Variants in ZNF536 observed in about 807,000 individuals in gnomAD.
The protein encoded by ZNF536 is zinc finger protein 536.
ZNF536 carries 13 observed loss-of-function variants against 84.5 expected under a neutral mutation model. The ratio of observed to expected loss-of-function variants is 0.15; its 90% CI spans 0.10 to 0.24. ZNF536 has a LOEUF of 0.24. Among genes scored for constraint, ZNF536 ranks in the 10% least tolerant of loss-of-function variants. The pLI, the probability that ZNF536 is intolerant of heterozygous loss-of-function variation, is 1.00. For missense variants in ZNF536, 1,536 were observed against 1,747.5 expected, an observed-to-expected ratio of 0.88 and a Z score of 2.16; for synonymous variants, 811 against 742.5, an observed-to-expected ratio of 1.09 and a Z score of -1.50.
At chr19:30,245,808 C>G (rs1431571677) in intron 1 of ZNF536, among the ~76,000 whole-genome samples, 1 of 152,220 alleles carries the variant, frequency 6.6e-6, no homozygotes, top group Non-Finnish European at 1.5e-5. Context: ...GGGGCCTTTT[C>G]TCTGAAGGTA....
Position 30,640,312 on chromosome 19 carries a change from T to G in ZNF536, c.170-70445T>G, listed in dbSNP as rs1441790516. Among the ~76,000 whole-genome samples, 4 of 151,990 alleles carry G rather than the reference T, an allele frequency of 2.6e-5. No homozygotes were observed. In the East Asian group the frequency reaches 7.7e-4, roughly 29 times the overall value. On this transcript the variant is annotated intron_variant, in intron 1 of 1. Coordinates refer to the ZNF536 transcript ENST00000592773. Reference sequence around the variant, plus strand: ...CGCACCACTGTTTTTTTCATGCAGCTTTTCTAGTTGTGCTCAATAAGACAG... The same window carrying G: ...CGCACCACTGTTTTTTTCATGCAGCGTTTCTAGTTGTGCTCAATAAGACAG...
intron 2 of ZNF536, among the ~76,000 whole-genome samples, chr19:30,497,406 C>G (rs2054767581): frequency 1.3e-5 from 2 of 152,072 alleles, no homozygotes; most frequent in African/African-American, 4.8e-5. Flanking sequence ...AAAGGGGTAG[C>G]TTCTGACACA....
intron 2 of ZNF536, among the ~76,000 whole-genome samples, chr19:30,303,158 G>A (rs144564858): frequency 1.4e-3 from 214 of 152,278 alleles, no homozygotes; most frequent in Middle Eastern, 0.01. Flanking sequence ...TCTGAGGCTC[G>A]GCTGGTGTCC....
intron 1 of ZNF536, among the ~76,000 whole-genome samples, chr19:30,433,622 C>T (rs112358291): frequency 0.028 from 4,320 of 152,216 alleles, 218 homozygotes; most frequent in African/African-American, 0.099. Flanking sequence ...TTCAGCCTCC[C>T]GAGTAGCTGG....
At chr19:30,326,562 G>C (rs560635985) in intron 2 of ZNF536, among the ~76,000 whole-genome samples, 1 of 152,230 alleles carries the variant, frequency 6.6e-6, no homozygotes, top group East Asian at 1.9e-4. Flanking sequence ...GAGAGGGCCA[G>C]GGGATGGTGA....
At chr19:30,435,563 T>C (rs957680447) in intron 1 of ZNF536, among the ~76,000 whole-genome samples, 1 of 151,910 alleles carries the variant, frequency 6.6e-6, no homozygotes, top group Admixed American at 6.6e-5. Flanking sequence ...ATGGTGGTAA[T>C]GATGGTGATG....
At chr19:30,587,397 T>C (rs1383817173) in intron 1 of ZNF536, among the ~76,000 whole-genome samples, 1 of 152,180 alleles carries the variant, frequency 6.6e-6, no homozygotes. Context: ...TAAATCAAGA[T>C]CAGTTGGTAT....
rs373382678 is a variant in ZNF536, at chr19:30,444,537, G to A, written c.975G>A (p.Thr325=). 1 of 1,613,070 alleles carries A rather than the reference G, an allele frequency of 6.2e-7. No individual in the cohort carries two copies. The highest frequency in any genetic ancestry group is 1.1e-5 in the South Asian group (1 of 91,042). ...LISHVEKAHI[T]AESAQGQGPN... The stretch of plus-strand genomic sequence containing the variant: ...GCCACGTGGAGAAGGCACACATCAC[G>A]GCCGAGTCGGCCCAGGGCCAGGGCC... Residue 325 remains threonine (T), a synonymous_variant, in exon 2 of 5, where the codon ACG becomes ACA. Transcript: ENST00000355537.
At chr19:30,494,650 C>T (rs771365979) in intron 2 of ZNF536, among the ~76,000 whole-genome samples, 18 of 152,122 alleles carry the variant, frequency 1.2e-4, no homozygotes, top group East Asian at 5.8e-4. Flanking sequence ...AATTAATGTC[C>T]GGGGCCTTTT....
intron 2 of ZNF536, among the ~76,000 whole-genome samples, chr19:30,503,442 GT>G (rs1367332210): frequency 6.6e-6 from 1 of 152,224 alleles, no homozygotes; most frequent in African/African-American, 2.4e-5. Context: ...AGACTGACCT[GT>G]ATTTACTGAC....
At chr19:30,535,689 T>C (rs916349314) in intron 3 of ZNF536, among the ~76,000 whole-genome samples, 2 of 151,970 alleles carry the variant, frequency 1.3e-5, no homozygotes, top group Non-Finnish European at 2.9e-5. Flanking sequence ...CCGTCCTTTT[T>C]AGCTTTCTGC....
chr19:30,644,964 A>C (rs1015844325), intron 1 of ZNF536, among the ~76,000 whole-genome samples: 3 of 152,162 alleles, frequency 2.0e-5, no homozygotes, highest in Non-Finnish European at 4.4e-5. Flanking sequence ...CAATGGTTGA[A>C]CTAGCTTACA....
intron 1 of ZNF536, among the ~76,000 whole-genome samples, chr19:30,413,418 T>G (rs1215609703): frequency 6.6e-6 from 1 of 152,234 alleles, no homozygotes; most frequent in Non-Finnish European, 1.5e-5. Flanking sequence ...TCGTTTGTTT[T>G]GCTATTGCTT....
At chr19:30,685,615 C>T (rs902476066) in intron 1 of ZNF536, among the ~76,000 whole-genome samples, 2 of 152,134 alleles carry the variant, frequency 1.3e-5, no homozygotes, top group Non-Finnish European at 2.9e-5. Flanking sequence ...AAAATAAATG[C>T]CATAAAAATC....
At chr19:30,460,754 T>C (rs907909375) in intron 2 of ZNF536, among the ~76,000 whole-genome samples, 1 of 152,124 alleles carries the variant, frequency 6.6e-6, no homozygotes, top group Non-Finnish European at 1.5e-5. Context: ...GATTCCCTGC[T>C]CTTGAGGAGA....
chr19:30,491,993 G>T (rs1224049630), intron 2 of ZNF536, among the ~76,000 whole-genome samples: 1 of 147,438 alleles, frequency 6.8e-6, no homozygotes, highest in Non-Finnish European at 1.5e-5. Context: ...AGAACACAGA[G>T]TTTTATTTTC....
At chr19:30,544,688 A>G (rs550440060) in intron 3 of ZNF536, among the ~76,000 whole-genome samples, 1 of 152,280 alleles carries the variant, frequency 6.6e-6, no homozygotes, top group Non-Finnish European at 1.5e-5. Context: ...TCATTCATCC[A>G]TTGGTTCACT....
At chr19:30,581,253 A>C (rs1259786388) in intron 1 of ZNF536, among the ~76,000 whole-genome samples, 2 of 152,120 alleles carry the variant, frequency 1.3e-5, no homozygotes, top group African/African-American at 4.8e-5. Flanking sequence ...AAGGCGGGAG[A>C]ATCACTTGAG....
intron 1 of ZNF536, among the ~76,000 whole-genome samples, chr19:30,689,362 A>G (rs538820503): frequency 1.3e-5 from 2 of 152,352 alleles, no homozygotes; most frequent in African/African-American, 4.8e-5. Flanking sequence ...CTCAAATGCC[A>G]AAAACATGTC....
Sources: gnomAD v4.1 joint callset for allele counts (sites outside exome capture counted in the v4.1 genomes callset) on GRCh38, gnomAD v4.1.1 for gene constraint, MANE v1.5 for transcripts, NCBI Gene and HGNC (gene_info 2026-07-23, HGNC 2026-07-21) for gene names.